ITPR2: variants seen among roughly 807,000 people sequenced by gnomAD.
ITPR2 encodes inositol 1,4,5-trisphosphate-gated calcium channel ITPR2.
A neutral mutation model predicts 317.1 loss-of-function variants in ITPR2; 207 were observed. The ratio of observed to expected loss-of-function variants is 0.65; its 90% confidence interval spans 0.58 to 0.73. The LOEUF (loss-of-function observed/expected upper bound fraction) is 0.73. Ranked by LOEUF, ITPR2 falls within the 30% of genes least tolerant of loss-of-function variation. The pLI, the probability that ITPR2 is intolerant of heterozygous loss-of-function variation, is 0.00. For synonymous variants in ITPR2, 1,156 were observed against 1,149.1 expected, an observed-to-expected ratio of 1.01 and a Z score of -0.12; for missense variants, 2,613 against 3,284.0, an observed-to-expected ratio of 0.80 and a Z score of 4.99.
intron 37 of ITPR2, among the ~76,000 whole-genome samples, chr12:26,511,783 G>T (rs112676270): frequency 0.031 from 4,686 of 152,258 alleles, 176 homozygotes; most frequent in African/African-American, 0.086. Flanking sequence ...CATGCGTGAG[G>T]CCAACGCATA....
chr12:26,525,794 T>G (rs540082726), intron 37 of ITPR2, among the ~76,000 whole-genome samples: 1 of 152,220 alleles, frequency 6.6e-6, no homozygotes, highest in African/African-American at 2.4e-5. Context: ...CTCTACAACC[T>G]TGGGCTCACC....
intron 34 of ITPR2, among the ~76,000 whole-genome samples, chr12:26,569,336 T>C (rs548229193): frequency 1.3e-5 from 2 of 152,144 alleles, no homozygotes; most frequent in South Asian, 4.1e-4. Flanking sequence ...GGTGGATTGA[T>C]TGAGCCCAGA....
Position 26,784,612 on chromosome 12 carries a change from G to A in ITPR2, c.163+5545C>T, listed in dbSNP as rs916502101. 8.9e-3 allele frequency among the ~76,000 whole-genome samples: 1,344 copies of A among 151,726 alleles called. 15 individuals carry two copies. Among genetic ancestry groups the A allele is most frequent in the African/African-American group, 0.03 (1,232 of 41,362 alleles). The stretch of plus-strand genomic sequence containing the variant: ...GCCAGCCTCGGCCTCCCGAGGTGCC[G>A]GGATTGCAGACGGAGTCTTGTTCAC... On this transcript the variant is annotated intron_variant, in intron 2 of 56. Coordinates refer to ENST00000381340, the MANE Select transcript of ITPR2 (RefSeq NM_002223.4).
At chr12:26,721,393 G>A (rs746778827) in intron 5 of ITPR2, 40 of 532,884 alleles carry the variant, frequency 7.5e-5, no homozygotes, top group Admixed American at 1.1e-4. Context: ...TTAGATTCAC[G>A]ATAAAGACAT....
At chr12:26,669,273 T>C (rs1396557606) in intron 13 of ITPR2, among the ~76,000 whole-genome samples, 1 of 151,056 alleles carries the variant, frequency 6.6e-6, no homozygotes, top group Non-Finnish European at 1.5e-5. Flanking sequence ...AAAAGGCAAA[T>C]AATAAAAGGG....
chr12:26,367,827 C>A (rs923550816), intron 55 of ITPR2, among the ~76,000 whole-genome samples: 1 of 152,194 alleles, frequency 6.6e-6, no homozygotes, highest in Non-Finnish European at 1.5e-5. Context: ...GTTCTTCTTA[C>A]ACAGTGCACT....
chr12:26,773,237 G>C (rs548026882), intron 2 of ITPR2, among the ~76,000 whole-genome samples: 1 of 152,304 alleles, frequency 6.6e-6, no homozygotes, highest in East Asian at 1.9e-4. Flanking sequence ...AGGCTAACAT[G>C]GAGAAAGGCC....
At chr12:26,487,012 G>T in intron 40 of ITPR2, 56 bp downstream of exon 40, 4 of 1,418,050 alleles carry the variant, frequency 2.8e-6, no homozygotes, top group Non-Finnish European at 3.0e-6. Context: ...AGATTTAAAC[G>T]CTATTCCCCT....
intron 30 of ITPR2, among the ~76,000 whole-genome samples, chr12:26,598,373 T>G (rs1380590329): frequency 1.3e-5 from 2 of 152,108 alleles, no homozygotes; most frequent in Non-Finnish European, 2.9e-5. Flanking sequence ...ATAATGAAAA[T>G]GCCCAGAAAC....
intron 5 of ITPR2, among the ~76,000 whole-genome samples, chr12:26,717,936 G>A (rs1162798717): frequency 1.3e-5 from 2 of 152,206 alleles, no homozygotes; most frequent in East Asian, 1.9e-4. Context: ...GCACATGACA[G>A]CAAGGCAGCT....
At chr12:26,806,587 G>C (rs1950642450) in intron 1 of ITPR2, among the ~76,000 whole-genome samples, 1 of 152,134 alleles carries the variant, frequency 6.6e-6, no homozygotes, top group Non-Finnish European at 1.5e-5. Flanking sequence ...TAAATGTGTG[G>C]GAATATTCTG....
chr12:26,563,167 T>A (rs564640281), intron 34 of ITPR2, among the ~76,000 whole-genome samples: 1 of 152,332 alleles, frequency 6.6e-6, no homozygotes, highest in Admixed American at 6.5e-5. Context: ...TGAAGAAATG[T>A]TCTCTCAAGA....
intron 1 of ITPR2, among the ~76,000 whole-genome samples, chr12:26,828,525 G>A (rs1951044144): frequency 6.6e-6 from 1 of 152,164 alleles, no homozygotes; most frequent in Non-Finnish European, 1.5e-5. Flanking sequence ...CAATGTCACA[G>A]ACAGAAAGCA....
intron 2 of ITPR2, among the ~76,000 whole-genome samples, chr12:26,775,961 C>CATACATATATATA (rs1555189746): frequency 1.5e-5 from 1 of 65,652 alleles, no homozygotes; most frequent in Non-Finnish European, 3.9e-5. Flanking sequence ...TATGTATATC[C>CATACATATATATA]TATTAGTTCT....
Position 26,339,440 on chromosome 12 carries a change from C to A in ITPR2, c.8063G>T (p.Gly2688Val). Residue 2688 changes from glycine to valine, a missense_variant, in exon 57 of 57, where the codon GGA (glycine) becomes GTA (valine). Coordinates refer to ENST00000381340, the MANE Select transcript of ITPR2 (RefSeq NM_002223.4). The stretch of plus-strand genomic sequence containing the variant: ...ATGATTCACATGGGGTGTGTTTGAT[C>A]CGAGGAAGCCCAGTCTCTGCTTATT... ...RKNKQRLGFL[G>V]SNTPHVNHHM... 1 of 1,613,826 alleles carries A rather than the reference C, an allele frequency of 6.2e-7. No individual in the cohort carries two copies. The highest frequency in any genetic ancestry group is 1.7e-4 in the Middle Eastern group (1 of 6,050).
intron 37 of ITPR2, among the ~76,000 whole-genome samples, chr12:26,522,979 G>A (rs541459358): frequency 3.8e-4 from 58 of 152,310 alleles, no homozygotes; most frequent in African/African-American, 1.3e-3. Flanking sequence ...GATGCCTTGG[G>A]TTTCAGCTCA....
intron 55 of ITPR2, among the ~76,000 whole-genome samples, chr12:26,364,219 T>C (rs1478972726): frequency 4.6e-5 from 7 of 152,250 alleles, no homozygotes; most frequent in African/African-American, 1.7e-4. Flanking sequence ...TTCCCTCCTC[T>C]GCTTTATTTT....
chr12:26,595,443 C>T, intron 32 of ITPR2, 22 bp downstream of exon 32: 2 of 1,599,840 alleles, frequency 1.3e-6, no homozygotes, highest in East Asian at 2.2e-5. Context: ...TGACACCCTT[C>T]AGTAGTCAAA....
intron 21 of ITPR2, among the ~76,000 whole-genome samples, chr12:26,640,525 T>A (rs1328960232): frequency 2.0e-5 from 3 of 152,122 alleles, no homozygotes; most frequent in Admixed American, 2.0e-4. Flanking sequence ...TAGTAATATA[T>A]TAGACATGGT....
Sources: gnomAD v4.1 joint callset for allele counts (sites outside exome capture counted in the v4.1 genomes callset) on GRCh38, gnomAD v4.1.1 for gene constraint, MANE v1.5 for transcripts, NCBI Gene and HGNC (gene_info 2026-07-23, HGNC 2026-07-21) for gene names.